MCPH1: variants seen among roughly 807,000 people sequenced by gnomAD.
MCPH1 encodes the protein microcephalin.
A neutral mutation model predicts 84.5 loss-of-function variants in MCPH1; 104 were observed. That is an observed-to-expected ratio of 1.23 (90% CI 1.05 to 1.45). The LOEUF (loss-of-function observed/expected upper bound fraction) is 1.45, where lower values mean the gene tolerates loss of function less well. Among genes scored for constraint, MCPH1 ranks in the 40% most tolerant of loss-of-function variants. The probability of loss-of-function intolerance (pLI) is 0.00; values close to 1 mark genes in which losing one functional copy is unlikely to be tolerated. For missense variants in MCPH1, 1,498 were observed against 1,005.7 expected (o/e 1.49, Z -6.62); for synonymous variants, 514 against 366.8 (o/e 1.40, Z -4.58).
At chr8:6,574,941 A>G (rs1475218685) in intron 12 of MCPH1, among the ~76,000 whole-genome samples, 1 of 152,228 alleles carries the variant, frequency 6.6e-6, no homozygotes, top group Admixed American at 6.5e-5. Flanking sequence ...AAAAATGACA[A>G]ACAGGATAAA....
rs2912012 is a variant in MCPH1, at chr8:6,627,097, G to A, written c.2452+5406G>A. 2,446 of 985,328 alleles carry A rather than the reference G, an allele frequency of 2.5e-3. 49 individuals carry two copies. In the African/African-American group the frequency reaches 0.038, roughly 15 times the overall value. The allele number at this position is 985,328 out of a possible 1,614,324, so 61.0% of individuals were successfully genotyped here. A position where few individuals can be genotyped will look rare whatever the true frequency, so the allele number is the denominator to read the frequency against. ...CAGGAAAAAGATCCGATAGCATGCA[G>A]GCCTTCTCATGCTGGCCTGGCTCAT... On this transcript the variant is annotated intron_variant, in intron 13 of 13. Coordinates refer to ENST00000344683, the MANE Select transcript of MCPH1 (RefSeq NM_024596.5).
intron 9 of MCPH1, among the ~76,000 whole-genome samples, chr8:6,460,625 T>C (rs1016565166): frequency 3.9e-5 from 6 of 152,184 alleles, no homozygotes; most frequent in African/African-American, 1.4e-4. Context: ...CTTTTCTGGC[T>C]CCCCTCAATT....
intron 11 of MCPH1, among the ~76,000 whole-genome samples, chr8:6,492,961 A>T (rs1035697693): frequency 1.3e-5 from 2 of 152,122 alleles, no homozygotes; most frequent in Non-Finnish European, 2.9e-5. Context: ...TTTTGCCCTT[A>T]ATGTGAACAA....
At chr8:6,543,964 A>G (rs542356626) in intron 12 of MCPH1, among the ~76,000 whole-genome samples, 7 of 152,246 alleles carry the variant, frequency 4.6e-5, no homozygotes, top group Non-Finnish European at 8.8e-5. Flanking sequence ...CTTAATCTTT[A>G]AAGTTGCAAT....
intron 12 of MCPH1, chr8:6,562,604 TC>T: frequency 1.0e-6 from 1 of 956,778 alleles, no homozygotes; most frequent in South Asian, 2.2e-5. Context: ...GCCAAGCTGA[TC>T]TTAATAGCAT....
intron 12 of MCPH1, among the ~76,000 whole-genome samples, chr8:6,515,680 G>C (rs773750126): frequency 1.3e-5 from 2 of 152,168 alleles, no homozygotes; most frequent in Non-Finnish European, 2.9e-5. Context: ...AACGAAACAT[G>C]TTTTCCAGAA....
In MCPH1 at chr8:6,592,614, C is replaced by CTTTTTTTT. The variant is rs1252024553; in HGVS notation, c.2215-28839_2215-28832dup. Among the ~76,000 whole-genome samples the CTTTTTTTT allele has an allele frequency of 1.1e-3, 69 of 65,480 alleles. 1 individual carries two copies. The highest frequency in any genetic ancestry group is 1.4e-3 in the African/African-American group (27 of 19,236). The allele number at this position is 65,480 out of a possible 152,430, so 43.0% of individuals were successfully genotyped here. A position where few individuals can be genotyped will look rare whatever the true frequency, so the allele number is the denominator to read the frequency against. On this transcript the variant is annotated intron_variant, in intron 12 of 13. Coordinates refer to ENST00000344683, the MANE Select transcript of MCPH1 (RefSeq NM_024596.5). ...GTCATCTAGGCTCTCGTTTTTCTTT[C>CTTTTTTTT]TTTTTTTTGTTTTTTTTTTTTTTTT...
At chr8:6,415,464 C>T (rs1320041244) in intron 3 of MCPH1, among the ~76,000 whole-genome samples, 1 of 151,948 alleles carries the variant, frequency 6.6e-6, no homozygotes, top group African/African-American at 2.4e-5. Context: ...AGTGATTCTC[C>T]TGCTTCTGCC....
intron 11 of MCPH1, among the ~76,000 whole-genome samples, chr8:6,488,201 G>A (rs185118499): frequency 5.3e-5 from 8 of 152,336 alleles, no homozygotes; most frequent in African/African-American, 1.9e-4. Flanking sequence ...AGGCGCTGCG[G>A]TCTAGGTCCT....
At chr8:6,593,480 A>G (rs1406346631) in intron 12 of MCPH1, among the ~76,000 whole-genome samples, 1 of 152,132 alleles carries the variant, frequency 6.6e-6, no homozygotes, top group East Asian at 1.9e-4. Context: ...TCAGCCTTCC[A>G]AGTAGCTGGA....
chr8:6,447,542 T>C (rs1319691063), intron 8 of MCPH1: 1 of 568,680 alleles, frequency 1.8e-6, no homozygotes, highest in Non-Finnish European at 2.2e-6. Context: ...TTTGGTTTTG[T>C]TTTGTTTTGT....
chr8:6,434,997 C>T (rs1174374220), intron 4 of MCPH1, among the ~76,000 whole-genome samples: 5 of 152,058 alleles, frequency 3.3e-5, no homozygotes, highest in African/African-American at 9.7e-5. Context: ...AGGCTGGGAA[C>T]GTGAGGTGTG....
At position 6,444,530 on chromosome 8, in the gene MCPH1, A is replaced by C. The variant is rs1455435793; in HGVS notation, c.808A>C (p.Lys270Gln). 2 of 1,614,110 alleles carry C rather than the reference A, an allele frequency of 1.2e-6. No individual in the cohort carries two copies. Among genetic ancestry groups the C allele is most frequent in the African/African-American group, 2.7e-5 (2 of 74,938 alleles). The change falls in exon 8 of 14, where the codon AAA (lysine) becomes CAA (glutamine). Residue 270 changes from lysine to glutamine, a missense_variant. Coordinates refer to ENST00000344683, the MANE Select transcript of MCPH1 (RefSeq NM_024596.5). The part of the protein sequence containing the change: ...SDVCISSLVL[K>Q]ANNIHSSPSF... ...TGTGTGTATTTCTTCACTTGTATTG[A>C]AAGCAAATAATATTCATTCATCACC...
chr8:6,513,867 C>T, intron 12 of MCPH1: 3 of 1,579,880 alleles, frequency 1.9e-6, no homozygotes, highest in Middle Eastern at 1.7e-4. Flanking sequence ...TTGTTAAATT[C>T]AATTATTTCA....
intron 10 of MCPH1, among the ~76,000 whole-genome samples, chr8:6,480,190 C>T (rs1235336255): frequency 1.3e-5 from 2 of 150,368 alleles, no homozygotes; most frequent in African/African-American, 4.9e-5. Flanking sequence ...GTGACACGAT[C>T]GCGGCTCACT....
At chr8:6,544,704 G>T (rs187669414) in intron 12 of MCPH1, among the ~76,000 whole-genome samples, 85 of 152,198 alleles carry the variant, frequency 5.6e-4, no homozygotes, top group African/African-American at 1.8e-3. Flanking sequence ...ACAGAAAATG[G>T]CACTCTAAGA....
At chr8:6,482,449 T>G (rs1809363363) in intron 11 of MCPH1, among the ~76,000 whole-genome samples, 1 of 152,228 alleles carries the variant, frequency 6.6e-6, no homozygotes, top group African/African-American at 2.4e-5. Context: ...CTTTAATAAC[T>G]CTAGCATCAG....
At chr8:6,407,549 G>A (rs933457409) in intron 1 of MCPH1, among the ~76,000 whole-genome samples, 9 of 152,080 alleles carry the variant, frequency 5.9e-5, no homozygotes, top group African/African-American at 1.9e-4. Context: ...GAGTTTGACC[G>A]TGAGAAAAAA....
chr8:6,629,418 C>T (rs758085599), intron 13 of MCPH1, among the ~76,000 whole-genome samples: 4 of 152,196 alleles, frequency 2.6e-5, no homozygotes, highest in Non-Finnish European at 5.9e-5. Flanking sequence ...GTCGTGATCC[C>T]ACCACTGCAC....
Sources: allele counts gnomAD v4.1 joint callset (sites outside exome capture counted in the v4.1 genomes callset), GRCh38; gene constraint gnomAD v4.1.1; transcripts MANE v1.5; gene names NCBI Gene and HGNC (gene_info 2026-07-23, HGNC 2026-07-21).